The following TSPAN9 variants were observed in gnomAD, a reference collection of about 807,000 sequenced individuals.
The protein encoded by TSPAN9 is tetraspanin 9.
A neutral mutation model predicts 31.0 loss-of-function variants in TSPAN9; 16 were observed. The observed-to-expected ratio is 0.52, with a 90% CI of 0.35 to 0.78. The LOEUF (loss-of-function observed/expected upper bound fraction) is 0.78, where lower values mean the gene tolerates loss of function less well. Ranked by LOEUF, TSPAN9 falls within the 30% of genes least tolerant of loss-of-function variation. TSPAN9 has a pLI of 0.01. For synonymous variants in TSPAN9, 145 were observed against 121.6 expected (o/e 1.19, Z -1.27); for missense variants, 272 against 312.5 (o/e 0.87, Z 0.98).
At chr12:3,153,846 A>ATGTGTG (rs370813097) in intron 2 of TSPAN9, among the ~76,000 whole-genome samples, 98 of 103,938 alleles carry the variant, frequency 9.4e-4, no homozygotes, top group African/African-American at 3.7e-3. Flanking sequence ...TTATATATAT[A>ATGTGTG]TGTGTGTGTG....
At chr12:3,178,064 G>C (rs2098356802) in intron 2 of TSPAN9, among the ~76,000 whole-genome samples, 1 of 152,172 alleles carries the variant, frequency 6.6e-6, no homozygotes, top group African/African-American at 2.4e-5. Flanking sequence ...GTGTTTTCCT[G>C]TGGTGGTATT....
At chr12:3,157,508 C>G (rs1388852270) in intron 2 of TSPAN9, among the ~76,000 whole-genome samples, 1 of 152,232 alleles carries the variant, frequency 6.6e-6, no homozygotes, top group African/African-American at 2.4e-5. Context: ...ATCTCAGTTT[C>G]TCCATCTGTA....
At chr12:3,242,358 G>A (rs370113679) in intron 3 of TSPAN9, among the ~76,000 whole-genome samples, 1 of 152,196 alleles carries the variant, frequency 6.6e-6, no homozygotes, top group East Asian at 1.9e-4. Flanking sequence ...CCTTCTGCCC[G>A]ATGCCTGGAG....
In TSPAN9 at chr12:3,121,533, C is replaced by CGTTTTTTTTTTTTTTTTTTTTTTTTTT. The variant is rs1426241959; in HGVS notation, c.-18+37814_-18+37815insGTTTTTTTTTTTTTTTTTTTTTTTTTT. On this transcript the variant is annotated intron_variant, in intron 2 of 8. Transcript: ENST00000011898. ...TGCCACCATATCTGGCTAATTAAAA[C>CGTTTTTTTTTTTTTTTTTTTTTTTTTT]TTTTTTTTTTTTTTTTTTTTTTTTT... Among the ~76,000 whole-genome samples, 8 of 92,926 alleles carry CGTTTTTTTTTTTTTTTTTTTTTTTTTT rather than the reference C, an allele frequency of 8.6e-5. 3 individuals are homozygous for CGTTTTTTTTTTTTTTTTTTTTTTTTTT. The highest frequency in any genetic ancestry group is 9.8e-5 in the Non-Finnish European group (5 of 50,784). The allele number at this position is 92,926 out of a possible 152,430, so 61.0% of individuals were successfully genotyped here. A position where few individuals can be genotyped will look rare whatever the true frequency, so the allele number is the denominator to read the frequency against.
At chr12:3,162,631 A>AAAG (rs57371804) in intron 2 of TSPAN9, among the ~76,000 whole-genome samples, 143,210 of 151,560 alleles carry the variant, frequency 0.94, 68,120 homozygotes, top group East Asian at 1. Context: ...AGAAAAAAAA[A>AAAG]AAGTAATTTT....
intron 3 of TSPAN9, among the ~76,000 whole-genome samples, chr12:3,247,464 G>A (rs1177995972): frequency 6.6e-6 from 1 of 152,128 alleles, no homozygotes; most frequent in South Asian, 2.1e-4. Flanking sequence ...CAGGAGTGCC[G>A]AGAGAGCGTC....
rs1565622583 is a variant in TSPAN9 at position 3,226,776 on chromosome 12, A to T, written c.63+25520A>T. 4.9e-3 allele frequency among the ~76,000 whole-genome samples: 9 copies of T among 1,840 alleles called. 1 individual carries two copies. The highest frequency in any genetic ancestry group is 0.02 in the East Asian group (1 of 50). The allele number at this position is 1,840 out of a possible 152,430, so 1.2% of individuals were successfully genotyped here. A position where few individuals can be genotyped will look rare whatever the true frequency, so the allele number is the denominator to read the frequency against. On this transcript the variant is annotated intron_variant, in intron 3 of 8. Transcript: ENST00000011898. The stretch of plus-strand genomic sequence containing the variant: ...TATATATATATATATATATATATAT[A>T]TATATATATATATATATATTTTTTT...
At chr12:3,202,592 T>G (rs2098372587) in intron 3 of TSPAN9, among the ~76,000 whole-genome samples, 1 of 152,168 alleles carries the variant, frequency 6.6e-6, no homozygotes, top group Non-Finnish European at 1.5e-5. Flanking sequence ...ATAGGGGCTG[T>G]CGTGATGGTC....
intron 1 of TSPAN9, among the ~76,000 whole-genome samples, chr12:3,081,347 G>A (rs373570029): frequency 2.3e-4 from 35 of 152,140 alleles, no homozygotes; most frequent in African/African-American, 8.4e-4. Flanking sequence ...CATCCTGCCT[G>A]TCTAGCCTTA....
chr12:3,085,758 G>C (rs928615206), intron 2 of TSPAN9, among the ~76,000 whole-genome samples: 4 of 152,188 alleles, frequency 2.6e-5, no homozygotes, highest in African/African-American at 4.8e-5. Context: ...GGATGAGTTG[G>C]TATGCCTGGG....
intron 3 of TSPAN9, among the ~76,000 whole-genome samples, chr12:3,231,612 G>T (rs552837586): frequency 3.3e-5 from 5 of 152,200 alleles, no homozygotes; most frequent in Non-Finnish European, 5.9e-5. Context: ...CAGCAGGGGC[G>T]GGGTGGGTGG....
intron 3 of TSPAN9, among the ~76,000 whole-genome samples, chr12:3,223,050 TC>T (rs1264918381): frequency 6.6e-6 from 1 of 152,184 alleles, no homozygotes; most frequent in African/African-American, 2.4e-5. Context: ...TGAGCTGTCC[TC>T]CCCTGTCTAT....
intron 3 of TSPAN9, among the ~76,000 whole-genome samples, chr12:3,237,633 G>A (rs973159405): frequency 3.3e-5 from 5 of 152,200 alleles, no homozygotes; most frequent in African/African-American, 1.2e-4. Flanking sequence ...CTGCCCTCCC[G>A]GTTGGGCTGG....
chr12:3,280,490 G>T lies in TSPAN9; in HGVS notation c.432+7G>T. The T allele has an allele frequency of 6.2e-7, 1 of 1,609,928 alleles. No homozygotes were observed. The highest frequency in any genetic ancestry group is 2.2e-5 in the East Asian group (1 of 44,814). On this transcript the variant is annotated splice_region_variant and intron_variant, in intron 6 of 8. Coordinates refer to ENST00000011898, the MANE Select transcript of TSPAN9 (RefSeq NM_006675.5). The surrounding 1 kb of genome is among the most constrained non-coding windows in gnomAD (Gnocchi z 4.5). ...GAACATCATCCAGGCTGAGGTGCGG[G>T]CTGGGCCGCCCTGGTGGGGCCAGGC...
intron 2 of TSPAN9, among the ~76,000 whole-genome samples, chr12:3,105,846 TCACACACG>T (rs2098314318): frequency 6.7e-6 from 1 of 149,138 alleles, no homozygotes; most frequent in African/African-American, 2.5e-5. Flanking sequence ...ATACACACGC[TCACACACG>T]TTCACACACA....
chr12:3,183,921 G>A (rs755115236), intron 2 of TSPAN9, among the ~76,000 whole-genome samples: 13 of 152,190 alleles, frequency 8.5e-5, no homozygotes. Flanking sequence ...GGTCGCGTAT[G>A]TGAAATCCCT....
chr12:3,152,393 G>T (rs7970750), intron 2 of TSPAN9, among the ~76,000 whole-genome samples: 8,848 of 152,272 alleles, frequency 0.058, 357 homozygotes, highest in Middle Eastern at 0.099. Context: ...AGGTCCTGTG[G>T]CAGTCCTTCT....
intron 2 of TSPAN9, among the ~76,000 whole-genome samples, chr12:3,175,857 G>C (rs558177906): frequency 6.6e-6 from 1 of 152,178 alleles, no homozygotes; most frequent in Non-Finnish European, 1.5e-5. Context: ...CAGGGAGGTG[G>C]CTCTGGGGAG....
At chr12:3,121,189 T>G (rs2098324891) in intron 2 of TSPAN9, among the ~76,000 whole-genome samples, 1 of 152,152 alleles carries the variant, frequency 6.6e-6, no homozygotes, top group African/African-American at 2.4e-5. Context: ...TCCCATCTCA[T>G]TCTCCCAGAG....
Sources: gnomAD v4.1 joint callset for allele counts (sites outside exome capture counted in the v4.1 genomes callset) on GRCh38, gnomAD v4.1.1 for gene constraint, Gnocchi (gnomAD v3.1) non-coding constraint, MANE v1.5 for transcripts, NCBI Gene and HGNC (gene_info 2026-07-23, HGNC 2026-07-21) for gene names.